The following C2CD2 variants were observed in gnomAD, a reference collection of about 807,000 sequenced individuals.
The protein encoded by C2CD2 is C2 calcium dependent domain containing 2.
A neutral mutation model predicts 74.3 loss-of-function variants in C2CD2; 43 were observed. The ratio of observed to expected loss-of-function variants is 0.58; its 90% confidence interval spans 0.45 to 0.75. The LOEUF (loss-of-function observed/expected upper bound fraction) is 0.75, where lower values mean the gene tolerates loss of function less well. Among genes scored for constraint, C2CD2 ranks in the 30% least tolerant of loss-of-function variants. The probability of loss-of-function intolerance (pLI) is 0.00; values close to 1 mark genes in which losing one functional copy is unlikely to be tolerated. For synonymous variants in C2CD2, 422 were observed against 390.7 expected (o/e 1.08, Z -0.94); for missense variants, 801 against 916.3 (o/e 0.87, Z 1.63).
At chr21:41,891,587 G>A (rs2064754566) in intron 13 of C2CD2, among the ~76,000 whole-genome samples, 1 of 152,166 alleles carries the variant, frequency 6.6e-6, no homozygotes, top group Non-Finnish European at 1.5e-5. Context: ...TGGGGGATGA[G>A]GGGGACCTCA....
intron 2 of C2CD2, 88 bp downstream of exon 2, chr21:41,942,059 G>A (rs1022048218): frequency 2.4e-5 from 36 of 1,487,350 alleles, no homozygotes; most frequent in African/African-American, 9.8e-5. Flanking sequence ...TAAGGGTTCC[G>A]CATTTTCAAT....
At chr21:41,896,954 C>T (rs1298734606) in intron 13 of C2CD2, among the ~76,000 whole-genome samples, 3 of 152,162 alleles carry the variant, frequency 2.0e-5, no homozygotes, top group Non-Finnish European at 2.9e-5. Context: ...GAGGTAGGGG[C>T]GCAGGAGTGA....
rs57442100 is a variant in C2CD2, at chr21:41,939,319, GT to G, written c.378+2827del. ...AAGGCCACTTTTCTGGCAATATGAAGTTTTTTTAAAGATGGAGTCTTGCTAT... is the reference window on the plus strand; with the variant it reads ...AAGGCCACTTTTCTGGCAATATGAAGTTTTTTAAAGATGGAGTCTTGCTAT... On this transcript the variant is annotated intron_variant, in intron 2 of 13. Transcript: ENST00000380486. This position sits in a 1 kb window ranked among gnomAD's most constrained non-coding sequence, Gnocchi z 5.5. Among the ~76,000 whole-genome samples the G allele has an allele frequency of 6.6e-6, 1 of 152,126 alleles. No homozygotes were observed.
intron 11 of C2CD2, among the ~76,000 whole-genome samples, chr21:41,904,172 C>A (rs1479990466): frequency 2.0e-5 from 3 of 152,164 alleles, no homozygotes; most frequent in Non-Finnish European, 2.9e-5. Context: ...CTCTGGCTGT[C>A]CTCACTGCCG....
chr21:41,916,081 A>G, intron 5 of C2CD2, among the ~76,000 whole-genome samples: 1 of 152,152 alleles, frequency 6.6e-6, no homozygotes, highest in East Asian at 1.9e-4. Flanking sequence ...GGCACTTCCC[A>G]AACGTGAGCT....
At chr21:41,947,823 G>A (rs1178057363) in intron 1 of C2CD2, among the ~76,000 whole-genome samples, 2 of 152,180 alleles carry the variant, frequency 1.3e-5, no homozygotes, top group East Asian at 3.9e-4. Context: ...GCACAGCTAG[G>A]AGGGTAGAGC....
In C2CD2 at chr21:41,926,694, A is replaced by C; in HGVS notation, c.379-4609T>G. ...AACAAGAGAGCCCCTGAGTCTTCAG[A>C]TCTCACTGTGCCCTTTCACTTTCCT... On this transcript the variant is annotated intron_variant, in intron 2 of 13. Transcript: ENST00000380486. This position sits in a 1 kb window ranked among gnomAD's most constrained non-coding sequence, Gnocchi z 8.0. The C allele has an allele frequency of 1.1e-6, 1 of 882,432 alleles. No homozygotes were observed. The highest frequency in any genetic ancestry group is 1.4e-6 in the Non-Finnish European group (1 of 735,946). 54.7% of individuals were successfully genotyped at this position (882,432 alleles called of 1,614,324 possible).
Position 41,918,922 on chromosome 21 carries a change from C to A in C2CD2, c.531G>T (p.Gln177His), listed in dbSNP as rs778573716. The part of the protein sequence containing the change: ...FHMKEKREDL[Q>H]ISWSFISVPE... ...GCACACTGATGAAAGACCAGCTAATCTGGAGGTCCTCTCTCTTCTCCTTCA... is the reference window on the plus strand; with the variant it reads ...GCACACTGATGAAAGACCAGCTAATATGGAGGTCCTCTCTCTTCTCCTTCA... Residue 177 changes from glutamine (Q) to histidine (H), a missense_variant, in exon 4 of 14, where the codon CAG becomes CAT. By Grantham distance (24) the Gln-to-His change is conservative. Transcript: ENST00000380486. 85 of 1,614,122 alleles carry A rather than the reference C, an allele frequency of 5.3e-5. 2 individuals carry two copies. The South Asian group carries it at 8.6e-4, about 16-fold the overall frequency.
chr21:41,953,148 G>A, intron 1 of C2CD2: 1 of 397,514 alleles, frequency 2.5e-6, no homozygotes, highest in Non-Finnish European at 4.4e-6. Context: ...AGGGCCTGGA[G>A]CACCTGCCGT....
chr21:41,936,869 A>C (rs548695976), intron 2 of C2CD2, among the ~76,000 whole-genome samples: 3 of 120,960 alleles, frequency 2.5e-5, no homozygotes, highest in Admixed American at 1.2e-4. Context: ...GCCAGGCTGG[A>C]GTGCAATGGT....
intron 2 of C2CD2, 77 bp downstream of exon 2, chr21:41,942,070 G>T (rs1405235401): frequency 6.0e-6 from 9 of 1,504,470 alleles, no homozygotes; most frequent in South Asian, 2.6e-5. Flanking sequence ...CATTTTCAAT[G>T]ATTCTAAACA....
intron 9 of C2CD2, 149 bp downstream of exon 9, chr21:41,907,511 G>T: frequency 2.4e-6 from 2 of 833,748 alleles, no homozygotes; most frequent in Non-Finnish European, 1.8e-6. Context: ...TTCGAGTCTG[G>T]TCCTGCGTAC....
In C2CD2 at chr21:41,905,711, G is replaced by A. The variant is rs755539348; in HGVS notation, c.1432+13C>T. The A allele has an allele frequency of 8.8e-5, 124 of 1,402,664 alleles. 1 individual carries two copies. Among genetic ancestry groups the A allele is most frequent in the Non-Finnish European group, 8.6e-5 (85 of 991,830 alleles). The allele number at this position is 1,402,664 out of a possible 1,614,324, so 86.9% of individuals were successfully genotyped here. A position where few individuals can be genotyped will look rare whatever the true frequency, so the allele number is the denominator to read the frequency against. On this transcript the variant is annotated intron_variant, in intron 11 of 13. Coordinates refer to ENST00000380486, the MANE Select transcript of C2CD2 (RefSeq NM_015500.2). ...TGCTAAGAGGGAGAGCGACGTGGGC[G>A]TGTCTCAGTTACCTGTGTCTGAAGA...
intron 5 of C2CD2, among the ~76,000 whole-genome samples, chr21:41,915,585 C>T (rs1351213150): frequency 3.3e-5 from 5 of 151,932 alleles, no homozygotes; most frequent in Admixed American, 6.6e-5. Context: ...TACAGGTGCC[C>T]GCCACCACAC....
rs868599431 is a variant in C2CD2 at position 41,889,393 on chromosome 21, G to A, written c.1871-49C>T. On this transcript the variant is annotated intron_variant, in intron 13 of 13. Transcript: ENST00000380486. ...TGGTCAAGTGGGCAGGGAATGAGGG[G>A]CTGAATGACTGGTCCAATCGGACAA... 14 of 1,277,150 alleles carry A rather than the reference G, an allele frequency of 1.1e-5. No individual in the cohort carries two copies. In the Middle Eastern group the frequency reaches 2.3e-3, roughly 211 times the overall value. The allele number at this position is 1,277,150 out of a possible 1,614,324, so 79.1% of individuals were successfully genotyped here.
Position 41,892,643 on chromosome 21 carries a change from G to A in C2CD2, c.1871-3299C>T, listed in dbSNP as rs959708907. ...GGAGAATCTGGCATGATGGGGGTCT[G>A]GGGACACTGGGCATGAGCATTTTTC... is the stretch of plus-strand genomic sequence containing the variant. On this transcript the variant is annotated intron_variant, in intron 13 of 13. Coordinates refer to ENST00000380486, the MANE Select transcript of C2CD2 (RefSeq NM_015500.2). The surrounding 1 kb of genome is among the most constrained non-coding windows in gnomAD (Gnocchi z 4.6). 1.3e-5 allele frequency among the ~76,000 whole-genome samples: 2 copies of A among 151,506 alleles called. No homozygotes were observed. Among genetic ancestry groups the A allele is most frequent in the Non-Finnish European group, 3.0e-5 (2 of 67,760 alleles).
At chr21:41,947,428 A>C (rs572312089) in intron 1 of C2CD2, among the ~76,000 whole-genome samples, 11 of 152,170 alleles carry the variant, frequency 7.2e-5, no homozygotes, top group African/African-American at 2.6e-4. Context: ...AAGTGCTGGG[A>C]TTACAGGCGT....
At chr21:41,931,229 G>A (rs2065258651) in intron 2 of C2CD2, among the ~76,000 whole-genome samples, 1 of 150,264 alleles carries the variant, frequency 6.7e-6, no homozygotes, top group African/African-American at 2.4e-5. Flanking sequence ...GGGCAGGAGC[G>A]TGCTTCCACA....
In C2CD2 at chr21:41,899,545, G is replaced by A. The variant is rs1159416383; in HGVS notation, c.1561-183C>T. On this transcript the variant is annotated intron_variant, in intron 12 of 13. Transcript: ENST00000380486. The surrounding 1 kb of genome is among the most constrained non-coding windows in gnomAD (Gnocchi z 4.4). ...CGTTGCTCATGCTTGGGTTAAAAAA[G>A]GTCTCCCTTACAGCCAGGGCTCAGG... Among the ~76,000 whole-genome samples the A allele has an allele frequency of 6.6e-6, 1 of 152,172 alleles. No homozygotes were observed. Among genetic ancestry groups the A allele is most frequent in the East Asian group, 1.9e-4 (1 of 5,168 alleles).
Sources: allele counts gnomAD v4.1 joint callset (sites outside exome capture counted in the v4.1 genomes callset), GRCh38; gene constraint gnomAD v4.1.1; non-coding constraint Gnocchi (gnomAD v3.1); transcripts MANE v1.5; gene names NCBI Gene and HGNC (gene_info 2026-07-23, HGNC 2026-07-21).